The following ACSM2B variants were observed in gnomAD, a reference collection of about 807,000 sequenced individuals.
ACSM2B encodes acyl-coenzyme A synthetase ACSM2B, mitochondrial.
ACSM2B carries 58 observed loss-of-function variants against 78.6 expected under a neutral mutation model. The ratio of observed to expected loss-of-function variants is 0.74; its 90% confidence interval spans 0.60 to 0.92. The LOEUF is 0.92. Among genes scored for constraint, ACSM2B ranks in the 40% least tolerant of loss-of-function variants. The pLI, the probability that ACSM2B is intolerant of heterozygous loss-of-function variation, is 0.00. For missense variants in ACSM2B, 688 were observed against 711.2 expected (o/e 0.97, Z 0.37); for synonymous variants, 257 against 256.8 (o/e 1.00, Z -0.01).
At chr16:20,540,882 T>G (rs2014970399) in intron 12 of ACSM2B, 109 bp from the exon 13 acceptor site, 6 of 1,457,810 alleles carry the variant, frequency 4.1e-6, no homozygotes, top group Non-Finnish European at 5.5e-6. Flanking sequence ...TCTACTCATT[T>G]GCACCCCCGG....
At chr16:20,557,172 G>A (rs1233144483) in intron 3 of ACSM2B, among the ~76,000 whole-genome samples, 1 of 151,816 alleles carries the variant, frequency 6.6e-6, no homozygotes, top group Non-Finnish European at 1.5e-5. Context: ...TCAAATTTCT[G>A]TCTCCATCTC....
At chr16:20,566,247 T>TTTTATATATATATATA (rs1491507567) in intron 1 of ACSM2B, among the ~76,000 whole-genome samples, 2 of 69,968 alleles carry the variant, frequency 2.9e-5, no homozygotes, top group Non-Finnish European at 5.5e-5. Flanking sequence ...TCATGGAAGA[T>TTTTATATATATATATA]TATATATATA....
In ACSM2B at chr16:20,553,692, C is replaced by T. The variant is rs1027503073; in HGVS notation, c.740+85G>A. 9.4e-5 allele frequency: 144 copies of T among 1,529,842 alleles called. No homozygotes were observed. In the African/African-American group the frequency reaches 1.7e-3, roughly 18 times the overall value. 94.8% of individuals were successfully genotyped at this position (1,529,842 alleles called of 1,614,324 possible). On this transcript the variant is annotated intron_variant, in intron 5 of 13. Transcript: ENST00000329697. ...TTCTCAGAACCACAAGGTGGTGACA[C>T]AGCCCAGGAGCATTGGATTTGAACT...
At position 20,555,385 on chromosome 16, in the gene ACSM2B, C is replaced by T. The variant is rs772469982; in HGVS notation, c.480G>A (p.Gly160=). 2 of 1,613,784 alleles carry T rather than the reference C, an allele frequency of 1.2e-6. No homozygotes were observed. Among genetic ancestry groups the T allele is most frequent in the Non-Finnish European group, 1.7e-6 (2 of 1,179,854 alleles). The change falls in exon 4 of 14, where the codon GGG becomes GGA. Residue 160 remains glycine, a synonymous_variant. Transcript: ENST00000329697. ...TGTCCACTTCTTGGATGACTTCATCCCCAGCAACAATAGCCTTGGCCTTAG... is the reference window on the plus strand; with the variant it reads ...TGTCCACTTCTTGGATGACTTCATCTCCAGCAACAATAGCCTTGGCCTTAG... ...QMSKAKAIVA[G]DEVIQEVDTV... is the part of the protein sequence containing the mutation.
intron 13 of ACSM2B, among the ~76,000 whole-genome samples, chr16:20,538,172 A>C (rs1036063158): frequency 7.9e-5 from 12 of 152,178 alleles, no homozygotes; most frequent in Non-Finnish European, 1.6e-4. Flanking sequence ...TAATAGGGAT[A>C]CTGAGATGGA....
intron 2 of ACSM2B, among the ~76,000 whole-genome samples, chr16:20,562,101 CT>C (rs1468995434): frequency 6.6e-6 from 1 of 151,944 alleles, no homozygotes; most frequent in Non-Finnish European, 1.5e-5. Flanking sequence ...ACACATATTT[CT>C]CAGAGACCCT....
intron 3 of ACSM2B, among the ~76,000 whole-genome samples, chr16:20,556,610 A>G (rs995816392): frequency 7.2e-5 from 11 of 152,334 alleles, no homozygotes; most frequent in African/African-American, 2.4e-4. Context: ...TCAAAAAAAT[A>G]AAAGAAAAAG....
At chr16:20,544,774 C>T (rs1339367694) in intron 10 of ACSM2B, 12 of 988,914 alleles carry the variant, frequency 1.2e-5, no homozygotes, top group African/African-American at 3.5e-5. Context: ...CGTAAAGTGC[C>T]TGGCATGGCT....
Position 20,536,981 on chromosome 16 carries a change from T to C in ACSM2B, c.*277A>G. On this transcript the variant is annotated 3_prime_UTR_variant, in exon 14 of 14. Coordinates refer to ENST00000329697, the MANE Select transcript of ACSM2B (RefSeq NM_001105069.2). ...TCGCCTTCCCTCCCTACTTTATTTC[T>C]TTTTCAATTGCTTTCTCTTGCAGTT... The C allele has an allele frequency of 6.6e-6, 2 of 300,908 alleles. No homozygotes were observed. The highest frequency in any genetic ancestry group is 6.1e-6 in the Non-Finnish European group (1 of 165,138). 18.6% of individuals were successfully genotyped at this position (300,908 alleles called of 1,614,324 possible).
At chr16:20,566,734 G>GTATATATAGTATA (rs1447077110) in intron 1 of ACSM2B, among the ~76,000 whole-genome samples, 2 of 6,324 alleles carry the variant, frequency 3.2e-4, no homozygotes, top group Admixed American at 2.8e-3. Flanking sequence ...ACTATATATA[G>GTATATATAGTATA]TATATACTAT....
rs1596705684 is a variant in ACSM2B at position 20,543,257 on chromosome 16, A to G, written c.1287T>C (p.Asn429=). ...PIGIFSGYVE[N]PDKTAANIRG... is the part of the protein sequence containing the mutation. Reference sequence around the variant, plus strand: ...GAATGTTGGCTGCTGTCTTGTCGGGATTTTCCTGGTGACCACAGAAAGACA... The same window carrying G: ...GAATGTTGGCTGCTGTCTTGTCGGGGTTTTCCTGGTGACCACAGAAAGACA... Residue 429 remains asparagine (N), a synonymous_variant, in exon 11 of 14, where the codon AAT becomes AAC. Transcript: ENST00000329697. 1 of 1,609,154 alleles carries G rather than the reference A, an allele frequency of 6.2e-7. No individual in the cohort carries two copies. The highest frequency in any genetic ancestry group is 2.2e-5 in the East Asian group (1 of 44,872).
intron 4 of ACSM2B, chr16:20,554,263 G>A (rs6497501): frequency 0.33 from 149,847 of 450,052 alleles, 31,918 homozygotes; most frequent in East Asian, 0.87. Context: ...CTTAGCAAGA[G>A]CTCAATAAAT....
chr16:20,560,004 G>T (rs1456614485), intron 2 of ACSM2B, among the ~76,000 whole-genome samples: 2 of 150,496 alleles, frequency 1.3e-5, no homozygotes, highest in African/African-American at 2.5e-5. Context: ...TTTTAATTTT[G>T]TGGTAAAAAT....
chr16:20,556,101 T>A (rs2015465137), intron 3 of ACSM2B, among the ~76,000 whole-genome samples: 1 of 151,804 alleles, frequency 6.6e-6, no homozygotes, highest in South Asian at 2.1e-4. Context: ...TTTTTTGTGA[T>A]GAGAACATTA....
intron 4 of ACSM2B, 118 bp downstream of exon 4, chr16:20,555,151 A>G (rs565915467): frequency 2.7e-6 from 4 of 1,495,414 alleles, no homozygotes; most frequent in Non-Finnish European, 1.8e-6. Flanking sequence ...TCCCAGCTTC[A>G]CTCTTCCTAG....
intron 3 of ACSM2B, among the ~76,000 whole-genome samples, chr16:20,556,198 T>C (rs1023869815): frequency 1.3e-5 from 2 of 152,220 alleles, no homozygotes; most frequent in African/African-American, 4.8e-5. Flanking sequence ...CTTAAAAAAT[T>C]AGACTTATTC....
At chr16:20,559,823 T>A (rs1318186683) in intron 2 of ACSM2B, among the ~76,000 whole-genome samples, 2 of 151,090 alleles carry the variant, frequency 1.3e-5, no homozygotes, top group Non-Finnish European at 2.9e-5. Flanking sequence ...TTCCCTTTAA[T>A]GTCTTAGTAG....
At chr16:20,548,519 C>T (rs759323773) in intron 6 of ACSM2B, 46 bp from the exon 7 acceptor site, 9 of 1,612,904 alleles carry the variant, frequency 5.6e-6, no homozygotes, top group Non-Finnish European at 7.6e-6. Context: ...AGGTCAAATG[C>T]CAACTTATGG....
At chr16:20,548,582 A>G in intron 6 of ACSM2B, 109 bp from the exon 7 acceptor site, 1 of 1,582,780 alleles carries the variant, frequency 6.3e-7, no homozygotes, top group Admixed American at 1.8e-5. Context: ...GTCTGGATGA[A>G]AACCCTAGCT....
Sources: allele counts gnomAD v4.1 joint callset (sites outside exome capture counted in the v4.1 genomes callset), GRCh38; gene constraint gnomAD v4.1.1; transcripts MANE v1.5; gene names NCBI Gene and HGNC (gene_info 2026-07-23, HGNC 2026-07-21).